Variants in TDRD5 observed in about 807,000 individuals in gnomAD.
The protein encoded by TDRD5 is tudor domain containing 5.
A neutral mutation model predicts 120.6 loss-of-function variants in TDRD5; 41 were observed. That is an observed-to-expected ratio of 0.34 (90% confidence interval 0.26 to 0.44). The LOEUF is 0.44. Ranked by LOEUF, TDRD5 falls within the 20% of genes least tolerant of loss-of-function variation. TDRD5 has a pLI of 1.00. For missense variants in TDRD5, 1,006 were observed against 1,221.2 expected, an observed-to-expected ratio of 0.82 and a Z score of 2.63; for synonymous variants, 430 against 433.7, an observed-to-expected ratio of 0.99 and a Z score of 0.11.
At chr1:179,597,332 C>CTTTTTTTTTTTTTTTTTTTTTTTTTTT (rs945509784) in intron 4 of TDRD5, among the ~76,000 whole-genome samples, 27 of 125,558 alleles carry the variant, frequency 2.2e-4, no homozygotes, top group South Asian at 5.3e-4. Context: ...TTCTTTTTTT[C>CTTTTTTTTTTTTTTTTTTTTTTTTTTT]TTTTTTTTTT....
Position 179,593,604 on chromosome 1 carries a change from G to C in TDRD5, c.377G>C (p.Arg126Thr). ...RSHRRVPYRG[R>T]VAPILPAVVK... ...CATCGGCGAGTACCTTACCGAGGAAGGGTTGCCCCTATTCTTCCAGCTGTT... is the reference window on the plus strand; with the variant it reads ...CATCGGCGAGTACCTTACCGAGGAACGGTTGCCCCTATTCTTCCAGCTGTT... The change falls in exon 3 of 18, where the codon AGG (arginine) becomes ACG (threonine). Residue 126 changes from arginine to threonine, a missense_variant. Transcript: ENST00000444136. The C allele has an allele frequency of 6.2e-7, 1 of 1,614,244 alleles. No homozygotes were observed. Among genetic ancestry groups the C allele is most frequent in the Non-Finnish European group, 8.5e-7 (1 of 1,180,044 alleles).
intron 11 of TDRD5, among the ~76,000 whole-genome samples, chr1:179,642,728 C>A (rs1006048989): frequency 1.2e-4 from 18 of 152,136 alleles, no homozygotes; most frequent in African/African-American, 4.1e-4. Context: ...TGGCTTTGTG[C>A]CTGGTAAATG....
At chr1:179,601,141 C>CTG (rs60888896) in intron 4 of TDRD5, among the ~76,000 whole-genome samples, 108,467 of 151,892 alleles carry the variant, frequency 0.71, 38,816 homozygotes, top group Admixed American at 0.81. Context: ...TTCTTTTTAA[C>CTG]TTTTTTAATG....
In TDRD5 at chr1:179,592,646, C is replaced by T. The variant is rs755808493; in HGVS notation, c.31C>T (p.Leu11=). 1.9e-6 allele frequency: 3 copies of T among 1,613,880 alleles called. No individual in the cohort carries two copies. The African/African-American group carries it at 4.0e-5, about 22-fold the overall frequency. Residue 11 remains leucine (L), a synonymous_variant, in exon 2 of 18, where the codon CTG becomes TTG. Coordinates refer to ENST00000444136, the MANE Select transcript of TDRD5 (RefSeq NM_001199085.3). MSEQERIQEC[L]RKEIRSLLIS... ...TGAACAAGAGCGTATACAGGAATGT[C>T]TGCGGAAGGAAATAAGGTCACTTCT...
At chr1:179,613,907 T>G (rs1027329955) in intron 4 of TDRD5, among the ~76,000 whole-genome samples, 3 of 152,196 alleles carry the variant, frequency 2.0e-5, no homozygotes, top group African/African-American at 4.8e-5. Flanking sequence ...CTGTGCCAGT[T>G]TTGTGATCTT....
intron 17 of TDRD5, among the ~76,000 whole-genome samples, chr1:179,678,624 A>C (rs73037632): frequency 0.029 from 4,484 of 152,262 alleles, 224 homozygotes; most frequent in African/African-American, 0.1. Flanking sequence ...TCAGGTGCAT[A>C]GGTGTTTTTC....
Position 179,663,384 on chromosome 1 carries a change from G to T in TDRD5, c.2542G>T (p.Asp848Tyr). The T allele has an allele frequency of 6.2e-7, 1 of 1,613,694 alleles. No homozygotes were observed. The highest frequency in any genetic ancestry group is 1.1e-5 in the South Asian group (1 of 90,978). ...TTCTACCCCTAAAGATACATGGGAT[G>T]ATTCTTGGCAGCCTTCAGGCCTTGT... ...CFSTPKDTWD[D>Y]SWQPSGLVNG... is the part of the protein sequence containing the mutation. Residue 848 changes from aspartate to tyrosine, a missense_variant, in exon 16 of 18, where the codon GAT becomes TAT. By Grantham distance (160) the Asp-to-Tyr change is radical (BLOSUM62 -3). Transcript: ENST00000444136.
At chr1:179,669,643 A>ACG (rs1679749549) in intron 17 of TDRD5, among the ~76,000 whole-genome samples, 1 of 152,080 alleles carries the variant, frequency 6.6e-6, no homozygotes, top group African/African-American at 2.4e-5. Flanking sequence ...ATTTATATAG[A>ACG]GTAAAATTTG....
intron 11 of TDRD5, among the ~76,000 whole-genome samples, chr1:179,648,452 T>TGGGG (rs754051680): frequency 2.9e-4 from 11 of 37,290 alleles, no homozygotes; most frequent in Non-Finnish European, 4.1e-4. Flanking sequence ...TGTTGTGGGG[T>TGGGG]GGGGGGGGGG....
chr1:179,613,835 C>G (rs183799335), intron 4 of TDRD5, among the ~76,000 whole-genome samples: 5 of 152,178 alleles, frequency 3.3e-5, no homozygotes, highest in Admixed American at 6.5e-5. Context: ...AGGGATACAT[C>G]TATACTATAG....
intron 11 of TDRD5, among the ~76,000 whole-genome samples, chr1:179,643,011 A>T (rs116941557): frequency 0.01 from 1,562 of 152,304 alleles, 55 homozygotes; most frequent in Admixed American, 0.066. Flanking sequence ...GAAATACTTG[A>T]AGGTAGGGAA....
intron 17 of TDRD5, among the ~76,000 whole-genome samples, chr1:179,682,365 G>A (rs1458370721): frequency 6.6e-6 from 1 of 152,086 alleles, no homozygotes; most frequent in East Asian, 1.9e-4. Context: ...ATCTACATTA[G>A]GTATTTGTCT....
chr1:179,648,577 T>G (rs1231082253), intron 11 of TDRD5, among the ~76,000 whole-genome samples: 2 of 142,286 alleles, frequency 1.4e-5, no homozygotes, highest in Admixed American at 1.4e-4. Context: ...ACATGTACCC[T>G]AAAACTTAAA....
At chr1:179,609,348 A>G (rs1676161625) in intron 4 of TDRD5, among the ~76,000 whole-genome samples, 1 of 152,196 alleles carries the variant, frequency 6.6e-6, no homozygotes, top group Admixed American at 6.5e-5. Flanking sequence ...GCAATTTTAT[A>G]CAATATTTTA....
Position 179,690,993 on chromosome 1 carries a change from A to G in TDRD5, c.*50A>G, listed in dbSNP as rs1249268208. ...ACAGAATCCAGCCGCTTAGGCTTTG[A>G]TGAACTCCCAGGCCAAAATGAGGAG... On this transcript the variant is annotated 3_prime_UTR_variant, in exon 18 of 18. Coordinates refer to ENST00000444136, the MANE Select transcript of TDRD5 (RefSeq NM_001199085.3). 1.9e-6 allele frequency: 3 copies of G among 1,563,640 alleles called. No homozygotes were observed. Among genetic ancestry groups the G allele is most frequent in the Non-Finnish European group, 2.6e-6 (3 of 1,158,478 alleles).
chr1:179,595,964 G>C (rs2101906379), intron 4 of TDRD5, 146 bp downstream of exon 4: 1 of 769,174 alleles, frequency 1.3e-6, no homozygotes, highest in East Asian at 3.0e-5. Flanking sequence ...CTATGGTTCT[G>C]TAGATTAGTA....
At chr1:179,644,959 G>A (rs1678259402) in intron 11 of TDRD5, among the ~76,000 whole-genome samples, 1 of 149,898 alleles carries the variant, frequency 6.7e-6, no homozygotes, top group African/African-American at 2.5e-5. Flanking sequence ...GATCTCATAA[G>A]TTTAACTGTG....
chr1:179,644,810 T>G (rs1678251731), intron 11 of TDRD5, among the ~76,000 whole-genome samples: 1 of 151,984 alleles, frequency 6.6e-6, no homozygotes, highest in Non-Finnish European at 1.5e-5. Context: ...TTGTTTCTAT[T>G]ATAAACATTT....
At position 179,617,677 on chromosome 1, in the gene TDRD5, A is replaced by G. The variant is rs142226176; in HGVS notation, c.832-922A>G. Among the ~76,000 whole-genome samples the G allele has an allele frequency of 2.0e-5, 3 of 152,060 alleles. No individual in the cohort carries two copies. The East Asian group carries it at 5.8e-4, about 29-fold the overall frequency. ...TTTAATGTCGATTGAACAAAACTCT[A>G]CAATCTTTCACTCTGCTTTAGTTCT... On this transcript the variant is annotated intron_variant, in intron 4 of 17. Transcript: ENST00000444136.
Sources: gnomAD v4.1 joint callset for allele counts (sites outside exome capture counted in the v4.1 genomes callset) on GRCh38, gnomAD v4.1.1 for gene constraint, MANE v1.5 for transcripts, NCBI Gene and HGNC (gene_info 2026-07-23, HGNC 2026-07-21) for gene names.